Variants in FHAD1 observed in about 807,000 individuals in gnomAD.
The protein encoded by FHAD1 is forkhead associated phosphopeptide binding domain 1, also known as forkhead-associated domain-containing protein 1.
FHAD1 carries 146 observed loss-of-function variants against 191.3 expected under a neutral mutation model. The ratio of observed to expected loss-of-function variants is 0.76; its 90% CI spans 0.67 to 0.88. FHAD1 has a LOEUF of 0.88. Among genes scored for constraint, FHAD1 ranks in the 40% least tolerant of loss-of-function variants. FHAD1 has a pLI of 0.00. For missense variants in FHAD1, 1,635 were observed against 1,785.8 expected (o/e 0.92, Z 1.52); for synonymous variants, 616 against 672.3 (o/e 0.92, Z 1.29).
rs141168759 is a variant in FHAD1 at position 15,253,935 on chromosome 1, G to A, written c.93+2058G>A. On this transcript the variant is annotated intron_variant, in intron 2 of 33. Coordinates refer to ENST00000688493, the MANE Select transcript of FHAD1 (RefSeq NM_001391957.1). ...TTCATCATTAAATATTATATTAACT[G>A]TAGGGTTTTTTTATAGATGTTCTTT... Among the ~76,000 whole-genome samples, 185 of 152,224 alleles carry A rather than the reference G, an allele frequency of 1.2e-3. 1 individual carries two copies. Among genetic ancestry groups the A allele is most frequent in the African/African-American group, 4.0e-3 (167 of 41,542 alleles).
In FHAD1 at chr1:15,275,966, C is replaced by G. The variant is rs1161765656; in HGVS notation, c.300+3437C>G. Among the ~76,000 whole-genome samples the G allele has an allele frequency of 2.0e-5, 3 of 152,118 alleles. No individual in the cohort carries two copies. In the East Asian group the frequency reaches 5.8e-4, roughly 29 times the overall value. On this transcript the variant is annotated intron_variant, in intron 3 of 33. Transcript: ENST00000688493. ...CAGGCTTTGTGGTGACCATAACCAA[C>G]AGAGAGGGACGTGACAGCCATTTCA...
chr1:15,380,415 A>T (rs1007455244), intron 28 of FHAD1, among the ~76,000 whole-genome samples: 2 of 152,118 alleles, frequency 1.3e-5, no homozygotes, highest in Admixed American at 1.3e-4. Context: ...GGACAAAACC[A>T]CCCCAATTGA....
At chr1:15,373,674 G>A (rs1021847471) in intron 26 of FHAD1, among the ~76,000 whole-genome samples, 3 of 152,144 alleles carry the variant, frequency 2.0e-5, no homozygotes, top group Non-Finnish European at 2.9e-5. Flanking sequence ...GCAACAAAGC[G>A]ACATCCTGTC....
intron 1 of FHAD1, 28 bp from the exon 2 acceptor site, chr1:15,251,743 C>T (rs1186799617): frequency 6.7e-7 from 1 of 1,501,788 alleles, no homozygotes; most frequent in South Asian, 1.3e-5. Flanking sequence ...CATTTTCTAA[C>T]AAAATTCTTT....
At chr1:15,350,014 G>A (rs1037402903) in intron 19 of FHAD1, among the ~76,000 whole-genome samples, 11 of 152,212 alleles carry the variant, frequency 7.2e-5, no homozygotes, top group Admixed American at 6.5e-5. Flanking sequence ...GCTGGGCTTC[G>A]GGGACAGAGG....
rs1227100476 is a variant in FHAD1 at position 15,360,723 on chromosome 1, A to G, written c.2962+20A>G. 2 of 1,545,896 alleles carry G rather than the reference A, an allele frequency of 1.3e-6. No homozygotes were observed. The highest frequency in any genetic ancestry group is 1.4e-5 in the African/African-American group (1 of 72,796). On this transcript the variant is annotated intron_variant, in intron 22 of 33. Coordinates refer to ENST00000688493, the MANE Select transcript of FHAD1 (RefSeq NM_001391957.1). ...ACCCAGGTAAGTCCGAAGGGAGGCC[A>G]AGGAAATCTTAGTGTTCGGGGCAGG...
intron 5 of FHAD1, among the ~76,000 whole-genome samples, chr1:15,297,831 T>C (rs781654786): frequency 5.9e-5 from 9 of 152,196 alleles, no homozygotes; most frequent in Non-Finnish European, 1.2e-4. Flanking sequence ...TTTAGTTTCT[T>C]CCCACAGATT....
At chr1:15,382,237 C>A in intron 31 of FHAD1, 44 bp downstream of exon 31, 1 of 1,536,616 alleles carries the variant, frequency 6.5e-7, no homozygotes, top group Non-Finnish European at 8.8e-7. Context: ...GGCTGCCCTG[C>A]AGCTCCCATT....
In FHAD1 at chr1:15,398,248, G is replaced by C. The variant is rs1706586895; in HGVS notation, c.*835G>C. ...GCCAAGATCACACAACTGCACTCTAGCCTGAGTGACAGAGCAAGACTCCAT... is the reference window on the plus strand; with the variant it reads ...GCCAAGATCACACAACTGCACTCTACCCTGAGTGACAGAGCAAGACTCCAT... On this transcript the variant is annotated 3_prime_UTR_variant, in exon 34 of 34. Coordinates refer to ENST00000688493, the MANE Select transcript of FHAD1 (RefSeq NM_001391957.1). 7.1e-6 allele frequency: 1 copy of C among 141,744 alleles called. No individual in the cohort carries two copies. The highest frequency in any genetic ancestry group is 2.6e-5 in the African/African-American group (1 of 38,204). 8.8% of individuals were successfully genotyped at this position (141,744 alleles called of 1,614,324 possible).
intron 1 of FHAD1, among the ~76,000 whole-genome samples, chr1:15,238,687 G>T (rs1367728598): frequency 1.3e-5 from 2 of 152,090 alleles, no homozygotes; most frequent in Non-Finnish European, 2.9e-5. Context: ...CCTTCCCCAG[G>T]CCCAACTGTT....
intron 2 of FHAD1, among the ~76,000 whole-genome samples, chr1:15,258,835 G>A (rs1337609350): frequency 3.3e-5 from 5 of 151,978 alleles, no homozygotes; most frequent in African/African-American, 4.8e-5. Context: ...TGATCCGCCC[G>A]CCTCGGCCTC....
rs758458237 is a variant in FHAD1, at chr1:15,260,151, G to A, written c.93+8274G>A. On this transcript the variant is annotated intron_variant, in intron 2 of 33. Coordinates refer to ENST00000688493, the MANE Select transcript of FHAD1 (RefSeq NM_001391957.1). ...ATGGGTGGACAAAGAACAGAAGGGCGGCTCTAGAACAGGGTGGTCAAGAGC... is the reference window on the plus strand; with the variant it reads ...ATGGGTGGACAAAGAACAGAAGGGCAGCTCTAGAACAGGGTGGTCAAGAGC... 9.2e-5 allele frequency among the ~76,000 whole-genome samples: 14 copies of A among 152,242 alleles called. No homozygotes were observed. The South Asian group carries it at 1.2e-3, about 14-fold the overall frequency.
chr1:15,374,402 T>G, intron 26 of FHAD1, 100 bp from the exon 27 acceptor site: 2 of 1,425,480 alleles, frequency 1.4e-6, no homozygotes, highest in Non-Finnish European at 1.9e-6. Flanking sequence ...AGGTGCTAAG[T>G]GACTGGGTTC....
downstream of FHAD1, among the ~76,000 whole-genome samples, chr1:15,400,672 T>C (rs1469033066): frequency 6.6e-6 from 1 of 152,222 alleles, no homozygotes; most frequent in Non-Finnish European, 1.5e-5. Context: ...CAAAGAATTA[T>C]TTGATCTAAA....
chr1:15,328,478 G>A (rs1331885411), intron 13 of FHAD1, 49 bp downstream of exon 13: 1 of 1,341,784 alleles, frequency 7.5e-7, no homozygotes, highest in African/African-American at 1.5e-5. Context: ...TCTAATTTTT[G>A]TGCGGCTTAT....
intron 33 of FHAD1, among the ~76,000 whole-genome samples, chr1:15,392,852 A>G (rs887085309): frequency 6.6e-6 from 1 of 152,058 alleles, no homozygotes; most frequent in Non-Finnish European, 1.5e-5. Flanking sequence ...ATAAAGGAAA[A>G]TCTTCCAGTT....
intron 15 of FHAD1, among the ~76,000 whole-genome samples, chr1:15,340,299 A>G (rs1490444252): frequency 6.6e-6 from 1 of 152,248 alleles, no homozygotes; most frequent in Admixed American, 6.5e-5. Flanking sequence ...ATAATAAACA[A>G]CCACAAAACT....
intron 3 of FHAD1, among the ~76,000 whole-genome samples, chr1:15,280,473 G>A (rs1660206843): frequency 6.6e-6 from 1 of 152,128 alleles, no homozygotes; most frequent in Non-Finnish European, 1.5e-5. Context: ...GACTCCTGAA[G>A]TTTGCTTCCT....
chr1:15,355,790 T>C (rs1246893281), intron 20 of FHAD1, among the ~76,000 whole-genome samples: 1 of 152,038 alleles, frequency 6.6e-6, no homozygotes, highest in Non-Finnish European at 1.5e-5. Context: ...CAGACGGAGT[T>C]AAGCGGAGGT....
Sources: allele counts gnomAD v4.1 joint callset (sites outside exome capture counted in the v4.1 genomes callset), GRCh38; gene constraint gnomAD v4.1.1; transcripts MANE v1.5; gene names NCBI Gene and HGNC (gene_info 2026-07-23, HGNC 2026-07-21).